RANBP2: variants seen among roughly 807,000 people sequenced by gnomAD.
The protein encoded by RANBP2 is E3 SUMO-protein ligase RanBP2.
In RANBP2, 57 loss-of-function variants were observed where a neutral mutation model predicts 303.6. The observed-to-expected ratio is 0.19, with a 90% CI of 0.15 to 0.23. RANBP2 has a LOEUF of 0.23. Among genes scored for constraint, RANBP2 ranks in the 10% least tolerant of loss-of-function variants. The pLI is 1.00. For missense variants in RANBP2, 3,138 were observed against 3,780.8 expected, an observed-to-expected ratio of 0.83 and a Z score of 4.46; for synonymous variants, 1,167 against 1,301.5, an observed-to-expected ratio of 0.90 and a Z score of 2.23.
chr2:109,143,094 G>A, the RANBP2 span, among the ~76,000 whole-genome samples: 27 of 152,262 alleles, frequency 1.8e-4, no homozygotes, highest in African/African-American at 6.3e-4. Flanking sequence ...TGGGGGGCCT[G>A]CCATGATGGC....
chr2:109,359,828 A>G, the RANBP2 span, among the ~76,000 whole-genome samples: 17 of 152,188 alleles, frequency 1.1e-4, no homozygotes, highest in Admixed American at 2.0e-4. Context: ...TATTTTCCAC[A>G]CATGCCCAGA....
intron 4 of RANBP2, among the ~76,000 whole-genome samples, chr2:108,733,098 A>G (rs1345649150): frequency 6.6e-6 from 1 of 152,098 alleles, no homozygotes; most frequent in Non-Finnish European, 1.5e-5. Flanking sequence ...TGCTAGGATT[A>G]CAGGCGTGAG....
At chr2:109,103,125 T>G in the RANBP2 span, among the ~76,000 whole-genome samples, 1 of 152,222 alleles carries the variant, frequency 6.6e-6, no homozygotes, top group Non-Finnish European at 1.5e-5. Flanking sequence ...GCTCCCTGGC[T>G]GACGAGTCCC....
At chr2:109,100,891 G>A in the RANBP2 span, among the ~76,000 whole-genome samples, 5 of 152,344 alleles carry the variant, frequency 3.3e-5, 1 homozygote, top group Non-Finnish European at 7.3e-5. Flanking sequence ...TGCCAGTGTG[G>A]TTAGGAATGC....
chr2:109,170,368 C>T, the RANBP2 span, among the ~76,000 whole-genome samples: 3 of 149,056 alleles, frequency 2.0e-5, no homozygotes, highest in African/African-American at 7.4e-5. Flanking sequence ...TCTTTTTTGA[C>T]CACATCTTGT....
At chr2:109,011,155 G>A in the RANBP2 span, among the ~76,000 whole-genome samples, 3 of 152,052 alleles carry the variant, frequency 2.0e-5, no homozygotes, top group African/African-American at 4.8e-5. Flanking sequence ...TTTCTTTTGC[G>A]TTAGATCCCA....
At chr2:109,034,569 G>T in the RANBP2 span, among the ~76,000 whole-genome samples, 1 of 152,234 alleles carries the variant, frequency 6.6e-6, no homozygotes, top group Non-Finnish European at 1.5e-5. Context: ...TGGTTCTGGA[G>T]CCACCATGTA....
At chr2:108,858,942 C>A in the RANBP2 span, among the ~76,000 whole-genome samples, 11 of 152,246 alleles carry the variant, frequency 7.2e-5, no homozygotes, top group Non-Finnish European at 1.2e-4. Flanking sequence ...TAGGTTGATT[C>A]CACATCTTTG....
chr2:108,999,492 A>AC, the RANBP2 span, among the ~76,000 whole-genome samples: 1 of 152,326 alleles, frequency 6.6e-6, no homozygotes, highest in South Asian at 2.1e-4. Context: ...GAGCAAGGTG[A>AC]CCCTGGTCTT....
At chr2:109,595,650 G>GA in the RANBP2 span, among the ~76,000 whole-genome samples, 1 of 151,906 alleles carries the variant, frequency 6.6e-6, no homozygotes, top group African/African-American at 2.4e-5. Flanking sequence ...ATTTAAGGTA[G>GA]AAAAAAAATC....
the RANBP2 span, among the ~76,000 whole-genome samples, chr2:109,680,981 G>C: frequency 2.0e-5 from 3 of 152,140 alleles, no homozygotes; most frequent in African/African-American, 7.2e-5. Flanking sequence ...CATAGATACA[G>C]TCCCTGAAAG....
At chr2:109,644,201 G>A in the RANBP2 span, among the ~76,000 whole-genome samples, 17 of 151,864 alleles carry the variant, frequency 1.1e-4, no homozygotes, top group African/African-American at 2.9e-4. Flanking sequence ...CAGCTACTCC[G>A]GAGGCCGAGG....
At chr2:109,562,813 A>G in the RANBP2 span, among the ~76,000 whole-genome samples, 6 of 152,224 alleles carry the variant, frequency 3.9e-5, no homozygotes, top group South Asian at 2.1e-4. Flanking sequence ...AGTGAAGACA[A>G]TATCATGAGA....
At chr2:109,568,116 C>A in the RANBP2 span, 1 of 634,988 alleles carries the variant, frequency 1.6e-6, no homozygotes, top group South Asian at 2.1e-5. Flanking sequence ...TACGGTCCAT[C>A]TCGCTGTTGA....
At chr2:109,105,721 A>AT in the RANBP2 span, among the ~76,000 whole-genome samples, 1 of 150,468 alleles carries the variant, frequency 6.6e-6, no homozygotes, top group Admixed American at 6.6e-5. Flanking sequence ...CGCCCAGCTA[A>AT]TTTTTTTGTA....
At chr2:108,908,132 A>T in the RANBP2 span, 1 of 1,265,292 alleles carries the variant, frequency 7.9e-7, no homozygotes, top group South Asian at 1.6e-5. Flanking sequence ...GGGGGCAATG[A>T]CTTGTTTTTC....
chr2:109,049,728 A>T, the RANBP2 span, among the ~76,000 whole-genome samples: 1 of 152,198 alleles, frequency 6.6e-6, no homozygotes, highest in Non-Finnish European at 1.5e-5. Context: ...TGCCTCCCTT[A>T]TCTGTCAAGC....
chr2:109,262,769 C>A, the RANBP2 span, among the ~76,000 whole-genome samples: 1 of 152,136 alleles, frequency 6.6e-6, no homozygotes, highest in South Asian at 2.1e-4. Context: ...AAATATATTA[C>A]ATTTATATAT....
At chr2:109,223,270 G>T in the RANBP2 span, among the ~76,000 whole-genome samples, 3 of 152,178 alleles carry the variant, frequency 2.0e-5, no homozygotes, top group African/African-American at 4.8e-5. Context: ...CAGATCCAGA[G>T]CCCTCAGAGG....
Sources: allele counts gnomAD v4.1 joint callset (sites outside exome capture counted in the v4.1 genomes callset), GRCh38; gene constraint gnomAD v4.1.1; transcripts MANE v1.5; gene names NCBI Gene and HGNC (gene_info 2026-07-23, HGNC 2026-07-21).